The following ACTR5 variants were observed in gnomAD, a reference collection of about 807,000 sequenced individuals.
ACTR5 encodes the protein actin related protein 5, also known as actin-related protein 5.
Under a neutral mutation model 61.2 loss-of-function variants are expected in ACTR5, and 43 were observed. The observed-to-expected ratio is 0.70, with a 90% confidence interval of 0.55 to 0.91. The LOEUF is 0.91. Ranked by LOEUF, ACTR5 falls within the 40% of genes least tolerant of loss-of-function variation. ACTR5 has a pLI of 0.00. For synonymous variants in ACTR5, 333 were observed against 310.5 expected, an observed-to-expected ratio of 1.07 and a Z score of -0.76; for missense variants, 798 against 782.2, an observed-to-expected ratio of 1.02 and a Z score of -0.24.
rs747007296 is a variant in ACTR5 at position 38,756,009 on chromosome 20, C to T, written c.1146C>T (p.Leu382=). Residue 382 remains leucine, a synonymous_variant, in exon 5 of 9, where the codon CTC becomes CTT. Coordinates refer to ENST00000243903, the MANE Select transcript of ACTR5 (RefSeq NM_024855.4). Reference sequence around the variant, plus strand: ...AAATCCTCCAAGCGGAAGTCAACCTCGAGGTGGATGTGGTAGACAGCAAGC... The same window carrying T: ...AAATCCTCCAAGCGGAAGTCAACCTTGAGGTGGATGTGGTAGACAGCAAGC... ...KQKILQAEVN[L]EVDVVDSKPE... is the part of the protein sequence containing the mutation. The T allele has an allele frequency of 1.7e-5, 27 of 1,613,280 alleles. No individual in the cohort carries two copies. Among genetic ancestry groups the T allele is most frequent in the Admixed American group, 1.0e-4 (6 of 59,962 alleles).
rs748763085 is a variant in ACTR5, at chr20:38,750,246, TGCACTTGTG to T, written c.605+11_605+19del. The T allele has an allele frequency of 1.1e-5, 17 of 1,609,860 alleles. No individual in the cohort carries two copies. Among genetic ancestry groups the T allele is most frequent in the Non-Finnish European group, 1.4e-5 (16 of 1,177,336 alleles). On this transcript the variant is annotated splice_region_variant and intron_variant, in intron 2 of 8. Transcript: ENST00000243903. ...TACCCATCTTAGAAGGGAGGTGAGTTGCACTTGTGGCATTTGAGTGCGATTTTGAGAAGC... is the reference window on the plus strand; with the variant it reads ...TACCCATCTTAGAAGGGAGGTGAGTTGCATTTGAGTGCGATTTTGAGAAGC...
In ACTR5 at chr20:38,765,479, G is replaced by A. The variant is rs1164292898; in HGVS notation, c.1254G>A (p.Glu418=). The part of the protein sequence containing the change: ...SMNDFDPLFS[E]ETPGVEKPVT... The stretch of plus-strand genomic sequence containing the variant: ...ATGATTTTGATCCCTTGTTTTCAGA[G>A]GAAACACCTGGAGTGGAGAAGCCGG... Residue 418 remains glutamate (E), a synonymous_variant, in exon 6 of 9, where the codon GAG becomes GAA. Coordinates refer to ENST00000243903, the MANE Select transcript of ACTR5 (RefSeq NM_024855.4). 1.9e-6 allele frequency: 3 copies of A among 1,614,046 alleles called. No individual in the cohort carries two copies. Among genetic ancestry groups the A allele is most frequent in the East Asian group, 2.2e-5 (1 of 44,892 alleles).
rs76369268 is a variant in ACTR5, at chr20:38,751,661, C to T, written c.606-470C>T. 5.6e-3 allele frequency among the ~76,000 whole-genome samples: 855 copies of T among 152,192 alleles called. 6 individuals carry two copies. The highest frequency in any genetic ancestry group is 0.02 in the African/African-American group (817 of 41,510). ...GGTTCTTTTACAGTAAGTCAGGATG[C>T]GTGTGGTTACTTAACGTGTTTGCTT... On this transcript the variant is annotated intron_variant, in intron 2 of 8. Transcript: ENST00000243903.
In ACTR5 at chr20:38,771,664, G is replaced by A. The variant is rs1306410634; in HGVS notation, c.1672G>A (p.Glu558Lys). ...AGTTTGGATCACCAGGAAAGAGTATGAAGAAAAGGGAGGAGAGTACCTCAA... is the reference window on the plus strand; with the variant it reads ...AGTTTGGATCACCAGGAAAGAGTATAAAGAAAAGGGAGGAGAGTACCTCAA... ...NEVWITRKEY[E>K]EKGGEYLKEH... The change falls in exon 9 of 9, where the codon GAA becomes AAA. Residue 558 changes from glutamate to lysine, a missense_variant. Transcript: ENST00000243903. 2.5e-6 allele frequency: 4 copies of A among 1,614,186 alleles called. No individual in the cohort carries two copies. Among genetic ancestry groups the A allele is most frequent in the Admixed American group, 1.7e-5 (1 of 60,020 alleles).
Position 38,766,270 on chromosome 20 carries a change from A to G in ACTR5, c.1326A>G (p.Leu442=), listed in dbSNP as rs765849009. ...PVFNLAAYHQ[L]FVGTERIRAP... ...TTAACTTGGCAGCATATCATCAGCT[A>G]TTTGTTGGGACAGAAAGAATTCGAG... Residue 442 remains leucine, a synonymous_variant, in exon 7 of 9, where the codon CTA becomes CTG. Transcript: ENST00000243903. 31 of 1,613,662 alleles carry G rather than the reference A, an allele frequency of 1.9e-5. No homozygotes were observed. The highest frequency in any genetic ancestry group is 1.7e-4 in the Middle Eastern group (1 of 6,058).
Position 38,766,389 on chromosome 20 carries a change from A to T in ACTR5, c.1433+12A>T, listed in dbSNP as rs757197053. The T allele has an allele frequency of 6.4e-7, 1 of 1,567,798 alleles. No homozygotes were observed. Among genetic ancestry groups the T allele is most frequent in the Non-Finnish European group, 8.6e-7 (1 of 1,159,818 alleles). Reference sequence around the variant, plus strand: ...TACATTCTGGACAGGTGAGACAGCGAATCTGCTTTTCCTTCTATCTTCCTG... The same window carrying T: ...TACATTCTGGACAGGTGAGACAGCGTATCTGCTTTTCCTTCTATCTTCCTG... On this transcript the variant is annotated intron_variant, in intron 7 of 8. Transcript: ENST00000243903.
chr20:38,762,763 A>T (rs1321593565), intron 5 of ACTR5, among the ~76,000 whole-genome samples: 6 of 152,098 alleles, frequency 3.9e-5, no homozygotes, highest in Non-Finnish European at 8.8e-5. Flanking sequence ...GCTGGAGTGG[A>T]GGTTAGGATG....
In ACTR5 at chr20:38,752,239, C is replaced by T; in HGVS notation, c.714C>T (p.Thr238=). ...ACCCTGGGCACCTGGCAGCCATCAC[C>T]CTCAGCCGCATGGAGGAGATTCTGC... is the stretch of plus-strand genomic sequence containing the variant. ...LKYPGHLAAI[T]LSRMEEILHE... Residue 238 remains threonine, a synonymous_variant, in exon 3 of 9, where the codon ACC becomes ACT. Transcript: ENST00000243903. The T allele has an allele frequency of 6.2e-7, 1 of 1,614,068 alleles. No individual in the cohort carries two copies. The highest frequency in any genetic ancestry group is 8.5e-7 in the Non-Finnish European group (1 of 1,179,938).
intron 3 of ACTR5, among the ~76,000 whole-genome samples, chr20:38,753,974 C>T (rs2084402662): frequency 6.7e-6 from 1 of 150,138 alleles, no homozygotes; most frequent in Non-Finnish European, 1.5e-5. Flanking sequence ...GTAAACACAA[C>T]TTTTCACAGT....
intron 1 of ACTR5, 57 bp from the exon 2 acceptor site, chr20:38,749,953 G>T (rs1743158897): frequency 6.7e-7 from 1 of 1,486,490 alleles, no homozygotes; most frequent in Non-Finnish European, 9.2e-7. Context: ...GTTCTTTTAT[G>T]CTTCAAAAAG....
In ACTR5 at chr20:38,750,142, A is replaced by G; in HGVS notation, c.508A>G (p.Ser170Gly). The G allele has an allele frequency of 6.2e-7, 1 of 1,614,210 alleles. No individual in the cohort carries two copies. Among genetic ancestry groups the G allele is most frequent in the Non-Finnish European group, 8.5e-7 (1 of 1,180,028 alleles). The change falls in exon 2 of 9, where the codon AGC becomes GGC. Residue 170 changes from serine (S) to glycine (G), a missense_variant. Ser to Gly is a moderately conservative substitution (Grantham distance 56, BLOSUM62 0). Coordinates refer to ENST00000243903, the MANE Select transcript of ACTR5 (RefSeq NM_024855.4). ...KVAYGIDSLF[S>G]FYHNKPKNSM... is the part of the protein sequence containing the mutation. ...TGCCTATGGAATAGACAGCCTCTTCAGCTTCTACCACAATAAGCCAAAGAA... is the reference window on the plus strand; with the variant it reads ...TGCCTATGGAATAGACAGCCTCTTCGGCTTCTACCACAATAAGCCAAAGAA...
intron 5 of ACTR5, among the ~76,000 whole-genome samples, 171 bp downstream of exon 5, chr20:38,756,210 T>C (rs914334482): frequency 1.3e-5 from 2 of 152,058 alleles, no homozygotes; most frequent in Admixed American, 6.6e-5. Flanking sequence ...TCAGAAGGGA[T>C]TTCACCCTGT....
At chr20:38,760,140 C>A (rs1471897179) in intron 5 of ACTR5, among the ~76,000 whole-genome samples, 9 of 147,018 alleles carry the variant, frequency 6.1e-5, no homozygotes, top group Non-Finnish European at 4.5e-5. Context: ...GGCAACAGAA[C>A]AAGACCCTGT....
rs1381197804 is a variant in ACTR5 at position 38,755,906 on chromosome 20, A to G, written c.1043A>G (p.Glu348Gly). 8 of 1,614,176 alleles carry G rather than the reference A, an allele frequency of 5.0e-6. No individual in the cohort carries two copies. Among genetic ancestry groups the G allele is most frequent in the Non-Finnish European group, 6.8e-6 (8 of 1,180,032 alleles). The change falls in exon 5 of 9, where the codon GAG becomes GGG. Residue 348 changes from glutamate to glycine, a missense_variant. Glu to Gly is a moderately conservative substitution (Grantham distance 98, BLOSUM62 -2). Coordinates refer to ENST00000243903, the MANE Select transcript of ACTR5 (RefSeq NM_024855.4). ...GATCAGTTTCACAAAGCTCTGATAG[A>G]GCTGAATATGGACTCCCCAGAAGAG... is the stretch of plus-strand genomic sequence containing the variant. ...QMDQFHKALI[E>G]LNMDSPEELQ...
intron 5 of ACTR5, among the ~76,000 whole-genome samples, chr20:38,758,181 T>A (rs187340670): frequency 6.6e-6 from 1 of 152,294 alleles, no homozygotes; most frequent in Non-Finnish European, 1.5e-5. Flanking sequence ...TTTGTTCATT[T>A]GTCTGCATTT....
chr20:38,768,005 TAAAGAG>T (rs2084498418), intron 8 of ACTR5, among the ~76,000 whole-genome samples: 1 of 151,890 alleles, frequency 6.6e-6, no homozygotes, highest in South Asian at 2.1e-4. Flanking sequence ...ACATGGCTGA[TAAAGAG>T]GAGAGGAGGT....
In ACTR5 at chr20:38,755,871, T is replaced by C; in HGVS notation, c.1008T>C (p.Asp336=). 1 of 1,614,144 alleles carries C rather than the reference T, an allele frequency of 6.2e-7. No individual in the cohort carries two copies. The highest frequency in any genetic ancestry group is 8.5e-7 in the Non-Finnish European group (1 of 1,180,010). ...TCTGTTTTCAGGAACTTCTAGAGGA[T>C]GGCCAGATGGATCAGTTTCACAAAG... is the stretch of plus-strand genomic sequence containing the variant. The part of the protein sequence containing the change: ...RLLYVQELLE[D]GQMDQFHKAL... Residue 336 remains aspartate, a synonymous_variant, in exon 5 of 9, where the codon GAT becomes GAC. Coordinates refer to ENST00000243903, the MANE Select transcript of ACTR5 (RefSeq NM_024855.4).
In ACTR5 at chr20:38,755,981, A is replaced by G; in HGVS notation, c.1118A>G (p.Gln373Arg). The part of the protein sequence containing the change: ...KLSIAVEQAK[Q>R]KILQAEVNLE... ...AGTATAGCAGTGGAGCAGGCTAAGC[A>G]GAAAATCCTCCAAGCGGAAGTCAAC... The change falls in exon 5 of 9, where the codon CAG becomes CGG. Residue 373 changes from glutamine (Q) to arginine (R), a missense_variant. Transcript: ENST00000243903. 6.2e-7 allele frequency: 1 copy of G among 1,614,058 alleles called. No homozygotes were observed. Among genetic ancestry groups the G allele is most frequent in the Non-Finnish European group, 8.5e-7 (1 of 1,180,032 alleles).
chr20:38,762,997 C>T (rs2084463888), intron 5 of ACTR5, among the ~76,000 whole-genome samples: 2 of 152,178 alleles, frequency 1.3e-5, no homozygotes, highest in African/African-American at 4.8e-5. Flanking sequence ...AAGCGTTGTT[C>T]GTTTCTCACC....
Sources: gnomAD v4.1 joint callset for allele counts (sites outside exome capture counted in the v4.1 genomes callset) on GRCh38, gnomAD v4.1.1 for gene constraint, MANE v1.5 for transcripts, NCBI Gene and HGNC (gene_info 2026-07-23, HGNC 2026-07-21) for gene names.